LPIN1: variants seen among roughly 807,000 people sequenced by gnomAD.
LPIN1 encodes the protein phosphatidate phosphatase LPIN1.
A neutral mutation model predicts 107.5 loss-of-function variants in LPIN1; 71 were observed. The observed-to-expected ratio is 0.66, with a 90% confidence interval of 0.55 to 0.80. The LOEUF (loss-of-function observed/expected upper bound fraction) is 0.80. Among genes scored for constraint, LPIN1 ranks in the 30% least tolerant of loss-of-function variants. The pLI is 0.00. For missense variants in LPIN1, 1,043 were observed against 1,160.6 expected (o/e 0.90, Z 1.47); for synonymous variants, 445 against 452.6 (o/e 0.98, Z 0.21).
At position 11,786,934 on chromosome 2, in the gene LPIN1, A is replaced by G. The variant is rs1036519584; in HGVS notation, c.1550-140A>G. On this transcript the variant is annotated intron_variant, in intron 10 of 20. Coordinates refer to ENST00000674199, the MANE Select transcript of LPIN1 (RefSeq NM_001349206.2). This position sits in a 1 kb window ranked among gnomAD's most constrained non-coding sequence, Gnocchi z 4.1. The stretch of plus-strand genomic sequence containing the variant: ...GTAAAATGGTGCGGCCTTTACAAAT[A>G]CATTTTATAGGATTGTCTGCACAGT... 4.2e-6 allele frequency: 3 copies of G among 708,544 alleles called. No homozygotes were observed. The highest frequency in any genetic ancestry group is 7.7e-6 in the Non-Finnish European group (3 of 388,382). 43.9% of individuals were successfully genotyped at this position (708,544 alleles called of 1,614,324 possible). A position where few individuals can be genotyped will look rare whatever the true frequency, so the allele number is the denominator to read the frequency against.
intron 13 of LPIN1, among the ~76,000 whole-genome samples, chr2:11,795,117 G>C (rs1676431743): frequency 1.3e-5 from 2 of 152,180 alleles, no homozygotes; most frequent in Admixed American, 6.5e-5. Context: ...ATTTGCATAA[G>C]CTACAGTGAT....
At chr2:11,783,391 T>A (rs930495561) in intron 8 of LPIN1, among the ~76,000 whole-genome samples, 1 of 152,154 alleles carries the variant, frequency 6.6e-6, no homozygotes, top group Non-Finnish European at 1.5e-5. Context: ...CTCAGCAAGT[T>A]AACTAACTTG....
At chr2:11,767,565 G>A (rs1400831416) in intron 2 of LPIN1, 198 bp from the exon 3 acceptor site, 2 of 617,340 alleles carry the variant, frequency 3.2e-6, no homozygotes, top group East Asian at 5.6e-5. Flanking sequence ...TCAGGGACCT[G>A]CCCTCCCGAA....
intron 1 of LPIN1, among the ~76,000 whole-genome samples, chr2:11,753,657 T>G (rs2148585471): frequency 6.6e-6 from 1 of 152,330 alleles, no homozygotes; most frequent in South Asian, 2.1e-4. Context: ...CCAGACTTCC[T>G]CTTTTGTCAC....
At chr2:11,815,786 C>G (rs552927749) in intron 18 of LPIN1, among the ~76,000 whole-genome samples, 1 of 152,196 alleles carries the variant, frequency 6.6e-6, no homozygotes, top group South Asian at 2.1e-4. Flanking sequence ...TTTACGGGTC[C>G]TCTAACAGAC....
At chr2:11,817,344 G>A (rs1295751898) in intron 18 of LPIN1, 2 of 152,186 alleles carry the variant, frequency 1.3e-5, no homozygotes, top group African/African-American at 4.8e-5. Flanking sequence ...GCCTTTGTCA[G>A]GAGTGCTGCG....
At chr2:11,779,019 A>G (rs1395696669) in intron 6 of LPIN1, among the ~76,000 whole-genome samples, 3 of 152,224 alleles carry the variant, frequency 2.0e-5, no homozygotes, top group African/African-American at 4.8e-5. Flanking sequence ...TAAAATTGGC[A>G]CATCATATAA....
upstream of LPIN1, chr2:11,745,930 C>G (rs1247914287): frequency 6.6e-6 from 1 of 152,264 alleles, no homozygotes; most frequent in African/African-American, 2.4e-5. Context: ...ATATGACACC[C>G]TCCCATTGAT....
chr2:11,751,966 C>T (rs1475549126), intron 1 of LPIN1, among the ~76,000 whole-genome samples: 1 of 152,232 alleles, frequency 6.6e-6, no homozygotes, highest in Non-Finnish European at 1.5e-5. Context: ...GGAGCTACCT[C>T]TCTACCATTT....
intron 1 of LPIN1, among the ~76,000 whole-genome samples, chr2:11,752,538 T>C (rs1667992534): frequency 6.9e-6 from 1 of 145,336 alleles, no homozygotes; most frequent in East Asian, 2.0e-4. Context: ...TTCACGCCAT[T>C]CTCCTGCCTC....
chr2:11,742,257 G>T (rs1666441256), upstream of LPIN1: 1 of 152,126 alleles, frequency 6.6e-6, no homozygotes, highest in Admixed American at 6.5e-5. Context: ...TTCTAATACC[G>T]TATTTTTACT....
chr2:11,782,659 A>G (rs1673779512), intron 8 of LPIN1, 152 bp downstream of exon 8: 2 of 899,222 alleles, frequency 2.2e-6, no homozygotes, highest in African/African-American at 3.4e-5. Context: ...AGCAGAATAT[A>G]TTAATTATCG....
intron 13 of LPIN1, among the ~76,000 whole-genome samples, chr2:11,794,888 C>T (rs62114963): frequency 6.6e-6 from 1 of 152,138 alleles, no homozygotes. Context: ...GCAAGAGAAA[C>T]AAGACTGGGC....
intron 1 of LPIN1, among the ~76,000 whole-genome samples, chr2:11,691,083 G>GTTTTTTTTTTTTTTTTTTTTTTTTTT (rs373579741): frequency 8.3e-6 from 1 of 120,270 alleles, no homozygotes; most frequent in African/African-American, 4.5e-5. Flanking sequence ...ATCTTGTTGT[G>GTTTTTTTTTTTTTTTTTTTTTTTTTT]GTTTTTTTTT....
At chr2:11,748,184 T>C (rs1410555770) in intron 1 of LPIN1, among the ~76,000 whole-genome samples, 1 of 152,210 alleles carries the variant, frequency 6.6e-6, no homozygotes, top group African/African-American at 2.4e-5. Context: ...GTGGGGACAA[T>C]TGGCCTGGCC....
chr2:11,714,734 G>A (rs1663619322), intron 2 of LPIN1, among the ~76,000 whole-genome samples: 1 of 152,244 alleles, frequency 6.6e-6, no homozygotes, highest in South Asian at 2.1e-4. Flanking sequence ...ACGCTGGAAT[G>A]CTTAGTGTCC....
intron 1 of LPIN1, among the ~76,000 whole-genome samples, chr2:11,713,069 G>A (rs143063691): frequency 7.9e-5 from 12 of 152,286 alleles, no homozygotes; most frequent in African/African-American, 2.9e-4. Flanking sequence ...AACAGCAGAG[G>A]CAGCACTTGA....
chr2:11,788,344 T>C, intron 11 of LPIN1, 43 bp from the exon 12 acceptor site: 1 of 1,493,048 alleles, frequency 6.7e-7, no homozygotes, highest in Non-Finnish European at 9.3e-7. Context: ...GTTTTCAGTC[T>C]GAGCCTCGGT....
rs747130364 is a variant in LPIN1 at position 11,786,522 on chromosome 2, A to G, written c.1550-552A>G. Among the ~76,000 whole-genome samples the G allele has an allele frequency of 1.1e-4, 16 of 152,090 alleles. No homozygotes were observed. The highest frequency in any genetic ancestry group is 2.1e-4 in the Non-Finnish European group (14 of 68,002). ...ATCCTGGTGGGGCTGCCCCACCATG[A>G]TGAGAACAGTGCCCTGCCTGCTTCT... is the stretch of plus-strand genomic sequence containing the variant. On this transcript the variant is annotated intron_variant, in intron 10 of 20. Coordinates refer to ENST00000674199, the MANE Select transcript of LPIN1 (RefSeq NM_001349206.2). This position sits in a 1 kb window ranked among gnomAD's most constrained non-coding sequence, Gnocchi z 4.1.
Sources: allele counts gnomAD v4.1 joint callset (sites outside exome capture counted in the v4.1 genomes callset), GRCh38; gene constraint gnomAD v4.1.1; non-coding constraint Gnocchi (gnomAD v3.1); transcripts MANE v1.5; gene names NCBI Gene and HGNC (gene_info 2026-07-23, HGNC 2026-07-21).